Variants in TULP4 observed in about 807,000 individuals in gnomAD.
TULP4 encodes TUB like protein 4, also known as tubby-related protein 4.
In TULP4, 16 loss-of-function variants were observed where a neutral mutation model predicts 129.0. That is an observed-to-expected ratio of 0.12 (90% CI 0.08 to 0.19). TULP4 has a LOEUF of 0.19. Ranked by LOEUF, TULP4 falls within the 10% of genes least tolerant of loss-of-function variation. TULP4 has a pLI of 1.00. For synonymous variants in TULP4, 998 were observed against 854.0 expected (o/e 1.17, Z -2.94); for missense variants, 1,842 against 2,059.1 (o/e 0.89, Z 2.04).
chr6:158,463,382 G>T (rs1462287379), intron 6 of TULP4, among the ~76,000 whole-genome samples: 2 of 152,020 alleles, frequency 1.3e-5, no homozygotes, highest in African/African-American at 4.8e-5. Context: ...AGTGGAGGAT[G>T]AATTATCAGC....
At chr6:158,315,512 C>G (rs369474934) in intron 1 of TULP4, among the ~76,000 whole-genome samples, 1 of 152,166 alleles carries the variant, frequency 6.6e-6, no homozygotes, top group South Asian at 2.1e-4. Flanking sequence ...AAACTTAACT[C>G]TCGATTATTT....
chr6:158,392,269 A>ACT (rs1777600886), intron 1 of TULP4, among the ~76,000 whole-genome samples: 1 of 152,126 alleles, frequency 6.6e-6, no homozygotes, highest in Non-Finnish European at 1.5e-5. Context: ...ATGGGAAAGA[A>ACT]GTGCCCCCAT....
chr6:158,425,513 CAAAAAAAAAAA>C (rs35469800), intron 2 of TULP4, among the ~76,000 whole-genome samples: 1 of 61,876 alleles, frequency 1.6e-5, no homozygotes, highest in Non-Finnish European at 2.7e-5. Context: ...AACTCCGTCT[CAAAAAAAAAAA>C]AAAAAAAAAA....
At chr6:158,339,393 C>T (rs952798353) in intron 1 of TULP4, among the ~76,000 whole-genome samples, 5 of 152,152 alleles carry the variant, frequency 3.3e-5, no homozygotes, top group Admixed American at 1.3e-4. Flanking sequence ...TTCTGTGTCC[C>T]GCTGTGCACA....
chr6:158,444,868 T>C (rs941726001), intron 3 of TULP4, among the ~76,000 whole-genome samples: 3 of 152,120 alleles, frequency 2.0e-5, no homozygotes, highest in African/African-American at 4.8e-5. Flanking sequence ...GTGGAGTGCA[T>C]TGGAGCAATC....
At chr6:158,305,192 G>A (rs1007507309) in intron 1 of TULP4, among the ~76,000 whole-genome samples, 1 of 151,932 alleles carries the variant, frequency 6.6e-6, no homozygotes, top group African/African-American at 2.4e-5. Context: ...TATATCACTG[G>A]AGTCATAAGG....
chr6:158,396,133 T>C (rs931768541), intron 1 of TULP4, among the ~76,000 whole-genome samples: 1 of 152,206 alleles, frequency 6.6e-6, no homozygotes. Context: ...TGAGAAAATA[T>C]ATGCAATAAT....
At chr6:158,280,650 G>A (rs1243652695), upstream of TULP4, among the ~76,000 whole-genome samples, 3 of 152,220 alleles carry the variant, frequency 2.0e-5, no homozygotes. Context: ...CTTTCCTTAT[G>A]GAGTGGTGAT....
chr6:158,284,005 T>TAC (rs1322013233), intron 1 of TULP4, among the ~76,000 whole-genome samples: 1 of 152,148 alleles, frequency 6.6e-6, no homozygotes, highest in African/African-American at 2.4e-5. Flanking sequence ...GACCATATAT[T>TAC]CTGGAAAACT....
chr6:158,425,684 A>C (rs1368957168), intron 2 of TULP4, among the ~76,000 whole-genome samples: 1 of 151,046 alleles, frequency 6.6e-6, no homozygotes, highest in Non-Finnish European at 1.5e-5. Flanking sequence ...GCTCTCTGCA[A>C]CCTCCACCTC....
At chr6:158,475,022 A>T (rs1779786564) in intron 6 of TULP4, among the ~76,000 whole-genome samples, 1 of 152,256 alleles carries the variant, frequency 6.6e-6, no homozygotes. Flanking sequence ...TACATTTAGC[A>T]AATATTTATC....
intron 1 of TULP4, among the ~76,000 whole-genome samples, chr6:158,352,587 G>T (rs1479784984): frequency 1.3e-5 from 2 of 152,116 alleles, no homozygotes; most frequent in African/African-American, 4.8e-5. Flanking sequence ...AGTAGAGCTG[G>T]GGTTTCACCA....
intron 1 of TULP4, among the ~76,000 whole-genome samples, chr6:158,233,147 G>T (rs1474568789): frequency 6.6e-6 from 1 of 152,202 alleles, no homozygotes; most frequent in Non-Finnish European, 1.5e-5. Flanking sequence ...GGGTGACACA[G>T]CCCTCTCCGA....
At chr6:158,374,493 G>A (rs557209989) in intron 1 of TULP4, among the ~76,000 whole-genome samples, 89 of 152,314 alleles carry the variant, frequency 5.8e-4, no homozygotes, top group African/African-American at 2.0e-3. Context: ...GCCGGATCAG[G>A]GAGGAGACTT....
At chr6:158,488,550 A>G (rs936684299) in intron 8 of TULP4, among the ~76,000 whole-genome samples, 1 of 152,110 alleles carries the variant, frequency 6.6e-6, no homozygotes, top group African/African-American at 2.4e-5. Context: ...CACAGATGCC[A>G]CCTCCAAATG....
chr6:158,470,094 G>A (rs973853530), intron 6 of TULP4, among the ~76,000 whole-genome samples: 43 of 152,328 alleles, frequency 2.8e-4, no homozygotes, highest in Admixed American at 7.2e-4. Context: ...TGTTCAGCTC[G>A]ATTAGGGTGA....
At chr6:158,401,077 G>GTTGTTGTTGTT (rs1777836260) in intron 1 of TULP4, among the ~76,000 whole-genome samples, 1 of 142,582 alleles carries the variant, frequency 7.0e-6, no homozygotes, top group African/African-American at 2.6e-5. Context: ...TGTTGTTGTT[G>GTTGTTGTTGTT]TTGTTGTTTT....
intron 1 of TULP4, among the ~76,000 whole-genome samples, chr6:158,290,783 T>C (rs182706919): frequency 6.6e-6 from 1 of 152,184 alleles, no homozygotes; most frequent in Non-Finnish European, 1.5e-5. Flanking sequence ...GATCAAATTG[T>C]CTTTTTTTTA....
chr6:158,332,035 C>T (rs1012380022), intron 1 of TULP4, among the ~76,000 whole-genome samples: 4 of 148,846 alleles, frequency 2.7e-5, no homozygotes, highest in South Asian at 4.3e-4. Flanking sequence ...AGCCAGGCAT[C>T]GTGGCACACA....
Sources: gnomAD v4.1 joint callset for allele counts (sites outside exome capture counted in the v4.1 genomes callset) on GRCh38, gnomAD v4.1.1 for gene constraint, MANE v1.5 for transcripts, NCBI Gene and HGNC (gene_info 2026-07-23, HGNC 2026-07-21) for gene names.